Variants in MALRD1 observed in about 807,000 individuals in gnomAD.
The protein encoded by MALRD1 is MAM and LDL receptor class A domain containing 1, also known as MAM and LDL-receptor class A domain-containing protein 1.
MALRD1 carries 247 observed loss-of-function variants against 242.1 expected under a neutral mutation model. The ratio of observed to expected loss-of-function variants is 1.02; its 90% CI spans 0.92 to 1.13. The LOEUF (loss-of-function observed/expected upper bound fraction) is 1.13, where lower values mean the gene tolerates loss of function less well. Among genes scored for constraint, MALRD1 ranks in the 50% most tolerant of loss-of-function variants. MALRD1 has a pLI of 0.00. For synonymous variants in MALRD1, 995 were observed against 866.6 expected (o/e 1.15, Z -2.60); for missense variants, 2,989 against 2,533.1 (o/e 1.18, Z -3.86).
At chr10:19,570,822 T>C (rs1227509731) in intron 33 of MALRD1, among the ~76,000 whole-genome samples, 3 of 152,100 alleles carry the variant, frequency 2.0e-5, no homozygotes, top group Non-Finnish European at 4.4e-5. Context: ...ATTTTTCTTT[T>C]CTTCATGGTA....
chr10:19,056,129 T>C (rs920206871), intron 1 of MALRD1, among the ~76,000 whole-genome samples: 11 of 152,344 alleles, frequency 7.2e-5, no homozygotes, highest in East Asian at 5.8e-4. Context: ...GATAGTGTAA[T>C]GCCTCCAGCT....
intron 26 of MALRD1, among the ~76,000 whole-genome samples, chr10:19,382,937 A>G (rs1845900179): frequency 6.6e-6 from 1 of 152,184 alleles, no homozygotes; most frequent in Non-Finnish European, 1.5e-5. Flanking sequence ...AATTCTTTAT[A>G]TGACTTACTA....
intron 29 of MALRD1, among the ~76,000 whole-genome samples, chr10:19,451,063 A>G (rs1835295138): frequency 6.6e-6 from 1 of 152,210 alleles, no homozygotes; most frequent in Non-Finnish European, 1.5e-5. Flanking sequence ...TTCATCTTTC[A>G]GTTGCACAAG....
intron 38 of MALRD1, among the ~76,000 whole-genome samples, chr10:19,719,332 A>G (rs1308044421): frequency 6.8e-6 from 1 of 148,084 alleles, no homozygotes; most frequent in African/African-American, 2.5e-5. Context: ...TGAATTTGCT[A>G]ACACTGCACT....
intron 36 of MALRD1, among the ~76,000 whole-genome samples, chr10:19,665,878 C>G (rs978349266): frequency 7.4e-5 from 9 of 121,518 alleles, no homozygotes; most frequent in Non-Finnish European, 1.6e-4. Context: ...GAGATCTTTT[C>G]TAATGATTTT....
intron 18 of MALRD1, among the ~76,000 whole-genome samples, chr10:19,216,823 G>A (rs1366257920): frequency 6.6e-6 from 1 of 151,890 alleles, no homozygotes; most frequent in East Asian, 1.9e-4. Context: ...GTGCGTGCCT[G>A]TAGTCCCAGC....
intron 21 of MALRD1, among the ~76,000 whole-genome samples, chr10:19,295,391 G>A (rs968859794): frequency 6.6e-6 from 1 of 151,346 alleles, no homozygotes; most frequent in African/African-American, 2.4e-5. Context: ...GTATCCAATT[G>A]TATATATATT....
At chr10:19,552,161 G>A (rs549985238) in intron 32 of MALRD1, among the ~76,000 whole-genome samples, 1 of 152,206 alleles carries the variant, frequency 6.6e-6, no homozygotes, top group South Asian at 2.1e-4. Context: ...GTTTCTCTAG[G>A]AATGGTACCA....
intron 29 of MALRD1, among the ~76,000 whole-genome samples, chr10:19,460,231 G>A (rs912407246): frequency 3.3e-5 from 5 of 152,080 alleles, no homozygotes; most frequent in African/African-American, 1.2e-4. Flanking sequence ...TATCGGTACA[G>A]ATATATACTA....
chr10:19,123,650 A>C (rs1837147919), intron 6 of MALRD1, 57 bp downstream of exon 6: 1 of 1,020,126 alleles, frequency 9.8e-7, no homozygotes, highest in African/African-American at 1.7e-5. Flanking sequence ...TGTGAGACTC[A>C]GACCACTCAC....
intron 1 of MALRD1, among the ~76,000 whole-genome samples, chr10:19,058,883 G>A (rs1358970790): frequency 6.6e-6 from 1 of 152,082 alleles, no homozygotes; most frequent in African/African-American, 2.4e-5. Context: ...GGCATAAGAA[G>A]ATGGATACTA....
intron 7 of MALRD1, 47 bp downstream of exon 7, chr10:19,124,717 C>G (rs539704322): frequency 8.2e-7 from 1 of 1,226,624 alleles, no homozygotes; most frequent in Non-Finnish European, 1.0e-6. Flanking sequence ...CAGAATTCTG[C>G]TTTATGGTGA....
intron 10 of MALRD1, among the ~76,000 whole-genome samples, chr10:19,145,828 C>G (rs1833709035): frequency 6.6e-6 from 1 of 151,972 alleles, no homozygotes; most frequent in Non-Finnish European, 1.5e-5. Context: ...TTAATTTAAA[C>G]TTCCCCCTTC....
At chr10:19,445,044 A>C (rs1189074234) in intron 28 of MALRD1, among the ~76,000 whole-genome samples, 2 of 151,868 alleles carry the variant, frequency 1.3e-5, no homozygotes, top group African/African-American at 4.8e-5. Context: ...TTCTTGCTTC[A>C]TTGCATTCAT....
rs141530356 is a variant in MALRD1, at chr10:19,505,590, C to G, written c.5320+6944C>G. ...ATTTCTGTCGTTTAAGTCATTCAGC[C>G]TCTGGTATTTTGTTGTGGCAGTGCT... On this transcript the variant is annotated intron_variant, in intron 31 of 39. Coordinates refer to ENST00000454679, the MANE Select transcript of MALRD1 (RefSeq NM_001142308.3). Among the ~76,000 whole-genome samples the G allele has an allele frequency of 2.1e-3, 320 of 152,274 alleles. 1 individual carries two copies. Among genetic ancestry groups the G allele is most frequent in the African/African-American group, 6.3e-3 (261 of 41,550 alleles).
At chr10:19,524,150 G>T (rs990837035) in intron 31 of MALRD1, among the ~76,000 whole-genome samples, 1 of 151,936 alleles carries the variant, frequency 6.6e-6, no homozygotes, top group Non-Finnish European at 1.5e-5. Flanking sequence ...TTTTTCTCTC[G>T]CTGGCCATAT....
At chr10:19,287,350 G>C (rs933442320) in intron 21 of MALRD1, among the ~76,000 whole-genome samples, 21 of 151,746 alleles carry the variant, frequency 1.4e-4, no homozygotes, top group African/African-American at 3.9e-4. Flanking sequence ...CCTATTAAGA[G>C]GAATAAAACC....
chr10:19,247,662 A>C (rs906199275), intron 18 of MALRD1, among the ~76,000 whole-genome samples: 1 of 152,062 alleles, frequency 6.6e-6, no homozygotes, highest in Non-Finnish European at 1.5e-5. Flanking sequence ...GTAAATAATA[A>C]AAAAGATAAC....
intron 33 of MALRD1, among the ~76,000 whole-genome samples, chr10:19,573,013 C>G (rs1188028026): frequency 6.6e-6 from 1 of 152,184 alleles, no homozygotes; most frequent in East Asian, 1.9e-4. Context: ...CCTTAGAAAA[C>G]TAATACAATT....
Sources: allele counts gnomAD v4.1 joint callset (sites outside exome capture counted in the v4.1 genomes callset), GRCh38; gene constraint gnomAD v4.1.1; transcripts MANE v1.5; gene names NCBI Gene and HGNC (gene_info 2026-07-23, HGNC 2026-07-21).